The following GSE1 variants were observed in gnomAD, a reference collection of about 807,000 sequenced individuals.
The protein encoded by GSE1 is Gse1 coiled-coil protein.
Under a neutral mutation model 112.6 loss-of-function variants are expected in GSE1, and 32 were observed. The observed-to-expected ratio is 0.28, with a 90% CI of 0.21 to 0.38. The LOEUF is 0.38. GSE1 is among the 10% of genes least tolerant of loss of function. The pLI is 1.00. For synonymous variants in GSE1, 1,115 were observed against 735.6 expected, an observed-to-expected ratio of 1.52 and a Z score of -8.35; for missense variants, 2,348 against 1,699.2, an observed-to-expected ratio of 1.38 and a Z score of -6.71.
chr16:85,414,330 A>G (rs1390883169), intron 2 of GSE1, among the ~76,000 whole-genome samples: 3 of 152,226 alleles, frequency 2.0e-5, no homozygotes, highest in Admixed American at 2.0e-4. Context: ...TGTTTCTCCA[A>G]CATCTATGTC....
Position 85,269,774 on chromosome 16 carries a change from G to T in GSE1, c.2284-87689G>T, listed in dbSNP as rs539896650. ...TGGCACTCTGCAGCAGGTCTGCTGG[G>T]GTCTCTGGGCTCCTCCCCTGGGGCA... On this transcript the variant is annotated intron_variant, in intron 1 of 2. Transcript: ENST00000637419. Among the ~76,000 whole-genome samples, 39 of 149,346 alleles carry T rather than the reference G, an allele frequency of 2.6e-4. 2 individuals carry two copies. Among genetic ancestry groups the T allele is most frequent in the South Asian group, 1.3e-3 (6 of 4,750 alleles).
At chr16:85,544,301 C>G (rs2044623217) in intron 2 of GSE1, among the ~76,000 whole-genome samples, 1 of 152,136 alleles carries the variant, frequency 6.6e-6, no homozygotes, top group African/African-American at 2.4e-5. Flanking sequence ...TGAGCTGTGC[C>G]CATGCTTTGT....
intron 2 of GSE1, among the ~76,000 whole-genome samples, chr16:85,449,670 C>T (rs1451998506): frequency 1.3e-5 from 2 of 152,334 alleles, no homozygotes; most frequent in South Asian, 4.1e-4. Context: ...ACACTGGTAG[C>T]CTTTGAGGAG....
At position 85,294,206 on chromosome 16, in the gene GSE1, C is replaced by A. The variant is rs758338984; in HGVS notation, c.2284-63257C>A. On this transcript the variant is annotated intron_variant, in intron 1 of 2. Transcript: ENST00000637419. ...CTGCCTCCTTCCCTCCACCCCAGAG[C>A]AGCCCACTCTTGAAAACCTGATGCT... Among the ~76,000 whole-genome samples the A allele has an allele frequency of 2.0e-4, 30 of 152,302 alleles. No homozygotes were observed. The Middle Eastern group carries it at 0.01, about 52-fold the overall frequency.
At chr16:85,402,651 G>C (rs1433142006) in intron 2 of GSE1, among the ~76,000 whole-genome samples, 1 of 152,154 alleles carries the variant, frequency 6.6e-6, no homozygotes, top group Non-Finnish European at 1.5e-5. Context: ...GCCAGGCATG[G>C]TGGCTCACAC....
At chr16:85,429,441 C>G (rs192427980) in intron 2 of GSE1, among the ~76,000 whole-genome samples, 71 of 152,318 alleles carry the variant, frequency 4.7e-4, no homozygotes, top group African/African-American at 1.7e-3. Context: ...GACGGGGGCT[C>G]TGGTGGCAGA....
At chr16:85,186,762 A>G (rs1295696018) in intron 1 of GSE1, among the ~76,000 whole-genome samples, 1 of 152,178 alleles carries the variant, frequency 6.6e-6, no homozygotes, top group East Asian at 1.9e-4. Flanking sequence ...AAGACCCTAT[A>G]TCAAAACAAC....
rs962017961 is a variant in GSE1, at chr16:85,673,432, TTTTTCCTG to T, written c.*897_*904del. The T allele has an allele frequency of 7.2e-5, 11 of 151,956 alleles. No homozygotes were observed. Among genetic ancestry groups the T allele is most frequent in the African/African-American group, 2.4e-4 (10 of 41,064 alleles). 9.4% of individuals were successfully genotyped at this position (151,956 alleles called of 1,614,324 possible). On this transcript the variant is annotated 3_prime_UTR_variant, in exon 16 of 16. Transcript: ENST00000253458. ...ATGTGGTTTGGGGGATTTTTGTTTG[TTTTTCCTG>T]TTTGGGGGTTTTGTTTGTTGTTTTG...
chr16:85,470,634 G>A (rs1022128141), intron 2 of GSE1, among the ~76,000 whole-genome samples: 1 of 152,192 alleles, frequency 6.6e-6, no homozygotes, highest in African/African-American at 2.4e-5. Flanking sequence ...TGGGAGGGTT[G>A]TATGGGTGCC....
chr16:85,628,984 C>T (rs1042260550), intron 1 of GSE1, among the ~76,000 whole-genome samples: 13 of 152,108 alleles, frequency 8.5e-5, no homozygotes, highest in Non-Finnish European at 1.8e-4. Flanking sequence ...GTGGATCTCT[C>T]ATGAAGGGGT....
At chr16:85,307,096 T>C (rs1431850004) in intron 1 of GSE1, among the ~76,000 whole-genome samples, 1 of 142,356 alleles carries the variant, frequency 7.0e-6, no homozygotes, top group Non-Finnish European at 1.5e-5. Context: ...TTCTGTGCTC[T>C]GGTCACACGT....
chr16:85,521,153 C>T (rs1353631741), intron 2 of GSE1, among the ~76,000 whole-genome samples: 1 of 152,168 alleles, frequency 6.6e-6, no homozygotes, highest in Non-Finnish European at 1.5e-5. Flanking sequence ...GCCTTGGACT[C>T]CTGACCACCG....
exon 1 of GSE1, chr16:85,170,985 C>G (rs571908068): frequency 4.2e-4 from 417 of 985,534 alleles, no homozygotes; most frequent in Non-Finnish European, 4.9e-4. Context: ...GTGGGGAGGA[C>G]TGTACCCCGG....
chr16:85,337,457 C>T (rs568265779), intron 1 of GSE1, among the ~76,000 whole-genome samples: 28 of 152,142 alleles, frequency 1.8e-4, no homozygotes, highest in South Asian at 8.3e-4. Flanking sequence ...AGGCGCCCGC[C>T]ACCACGCCCG....
At chr16:85,634,227 C>G in intron 2 of GSE1, 95 bp downstream of exon 2, 1 of 852,596 alleles carries the variant, frequency 1.2e-6, no homozygotes, top group South Asian at 2.0e-5. Flanking sequence ...CACAGCAGGT[C>G]TCGTCTTTCC....
Position 85,663,550 on chromosome 16 carries a change from C to G in GSE1, c.2580C>G (p.Phe860Leu), listed in dbSNP as rs565495805. The change falls in exon 11 of 16, where the codon TTC (phenylalanine) becomes TTG (leucine). Residue 860 changes from phenylalanine to leucine, a missense_variant. By Grantham distance (22) the Phe-to-Leu change is conservative (BLOSUM62 0). Coordinates refer to ENST00000253458, the MANE Select transcript of GSE1 (RefSeq NM_014615.5). The stretch of plus-strand genomic sequence containing the variant: ...ATGAGATGAACAACAGTCCCAACTT[C>G]GAAGAAAAGAAGAAGTTCCTGACCA... Reference protein sequence around the residue: ...SPDEMNNSPNFEEKKKFLTIF... With the variant: ...SPDEMNNSPNLEEKKKFLTIF... The G allele has an allele frequency of 4.3e-6, 7 of 1,613,792 alleles. No individual in the cohort carries two copies. The Admixed American group carries it at 6.7e-5, about 15-fold the overall frequency.
intron 2 of GSE1, among the ~76,000 whole-genome samples, chr16:85,435,583 C>T (rs1193741332): frequency 6.6e-6 from 1 of 152,120 alleles, no homozygotes; most frequent in Non-Finnish European, 1.5e-5. Flanking sequence ...TGTTGCTTTC[C>T]TGCTGCCCCT....
intron 1 of GSE1, among the ~76,000 whole-genome samples, chr16:85,235,319 C>G (rs919020516): frequency 6.6e-6 from 1 of 151,738 alleles, no homozygotes; most frequent in African/African-American, 2.4e-5. Flanking sequence ...GACGGCTCCC[C>G]AGGCGAAGAG....
intron 1 of GSE1, among the ~76,000 whole-genome samples, chr16:85,573,735 G>T (rs1243877565): frequency 2.0e-5 from 3 of 152,228 alleles, no homozygotes; most frequent in African/African-American, 7.2e-5. Context: ...AGGCGCACTG[G>T]TTTGTGCCAG....
Sources: allele counts gnomAD v4.1 joint callset (sites outside exome capture counted in the v4.1 genomes callset), GRCh38; gene constraint gnomAD v4.1.1; transcripts MANE v1.5; gene names NCBI Gene and HGNC (gene_info 2026-07-23, HGNC 2026-07-21).